Variants in PHF21A observed in about 807,000 individuals in gnomAD.
The protein encoded by PHF21A is BHC80a.
PHF21A carries 11 observed loss-of-function variants against 82.5 expected under a neutral mutation model. That is an observed-to-expected ratio of 0.13 (90% confidence interval 0.08 to 0.22). The LOEUF (loss-of-function observed/expected upper bound fraction) is 0.22, where lower values mean the gene tolerates loss of function less well. Among genes scored for constraint, PHF21A ranks in the 10% least tolerant of loss-of-function variants. The pLI is 1.00. For missense variants in PHF21A, 579 were observed against 837.8 expected (o/e 0.69, Z 3.81); for synonymous variants, 297 against 302.8 (o/e 0.98, Z 0.20).
At chr11:45,941,447 A>G (rs145246824) in intron 15 of PHF21A, among the ~76,000 whole-genome samples, 1 of 152,344 alleles carries the variant, frequency 6.6e-6, no homozygotes, top group Admixed American at 6.5e-5. Context: ...CACATCATGC[A>G]ATATCTGGTA....
intron 1 of PHF21A, among the ~76,000 whole-genome samples, chr11:46,109,517 T>A (rs2097187526): frequency 6.6e-6 from 1 of 151,444 alleles, no homozygotes; most frequent in South Asian, 2.1e-4. Context: ...AAAAATAAAA[T>A]TTATATAGTT....
intron 4 of PHF21A, among the ~76,000 whole-genome samples, chr11:46,080,869 A>AC (rs1430896070): frequency 6.6e-6 from 1 of 151,346 alleles, no homozygotes; most frequent in African/African-American, 2.4e-5. Flanking sequence ...TCACTATGTT[A>AC]TCCAGGCTGA....
intron 6 of PHF21A, among the ~76,000 whole-genome samples, chr11:45,997,615 T>C (rs2094953352): frequency 6.6e-6 from 1 of 152,220 alleles, no homozygotes; most frequent in African/African-American, 2.4e-5. Flanking sequence ...TTTCACTAAA[T>C]GCTTGTTTTG....
rs1361256643 is a variant in PHF21A at position 46,003,869 on chromosome 11, C to T, written c.154-23903G>A. 2.0e-5 allele frequency among the ~76,000 whole-genome samples: 3 copies of T among 152,126 alleles called. No homozygotes were observed. The East Asian group carries it at 5.8e-4, about 29-fold the overall frequency. ...GAGTGTTGCAACCTAATATTCTTCACCCAGGCAACCACAGCCTATTTTGGA... is the reference window on the plus strand; with the variant it reads ...GAGTGTTGCAACCTAATATTCTTCATCCAGGCAACCACAGCCTATTTTGGA... On this transcript the variant is annotated intron_variant, in intron 6 of 18. Transcript: ENST00000676320.
At chr11:46,118,425 A>G (rs2136194505) in intron 1 of PHF21A, among the ~76,000 whole-genome samples, 1 of 152,028 alleles carries the variant, frequency 6.6e-6, no homozygotes, top group African/African-American at 2.4e-5. Flanking sequence ...GTTAAAAAAA[A>G]AAAAAAAAAA....
chr11:46,055,568 C>T (rs961510980), intron 6 of PHF21A, among the ~76,000 whole-genome samples: 1 of 152,076 alleles, frequency 6.6e-6, no homozygotes, highest in Admixed American at 6.6e-5. Context: ...TTGACCTTTC[C>T]AATTCCCTAG....
intron 6 of PHF21A, among the ~76,000 whole-genome samples, chr11:46,065,462 A>C (rs1368315912): frequency 6.6e-6 from 1 of 152,216 alleles, no homozygotes; most frequent in Non-Finnish European, 1.5e-5. Context: ...AAAGATGACC[A>C]GAATGAATAT....
intron 7 of PHF21A, among the ~76,000 whole-genome samples, chr11:45,975,527 C>A (rs749086519): frequency 3.3e-5 from 5 of 152,094 alleles, no homozygotes; most frequent in Non-Finnish European, 5.9e-5. Context: ...ACTCAAACAA[C>A]CACAAATAGA....
chr11:46,022,876 G>A (rs2137922315), intron 6 of PHF21A, among the ~76,000 whole-genome samples: 1 of 152,212 alleles, frequency 6.6e-6, no homozygotes, highest in Admixed American at 6.5e-5. Flanking sequence ...TCCACCTCCT[G>A]AGTAGCTGGG....
chr11:46,119,348 C>T (rs1852322330), intron 1 of PHF21A, among the ~76,000 whole-genome samples: 1 of 152,186 alleles, frequency 6.6e-6, no homozygotes, highest in South Asian at 2.1e-4. Flanking sequence ...CACACATGCC[C>T]GGACCTTCAC....
intron 9 of PHF21A, among the ~76,000 whole-genome samples, chr11:45,967,664 G>A (rs952368911): frequency 6.6e-6 from 1 of 152,172 alleles, no homozygotes; most frequent in South Asian, 2.1e-4. Flanking sequence ...ACAAATGTCT[G>A]ATGCTATCTT....
chr11:46,084,281 C>A lies in PHF21A; in HGVS notation c.-62G>T. ...TTTCTTCAGCCTCTGTTTAAAGTAA[C>A]AAACTCCTCTTCTCACTGCAGCTGT... is the stretch of plus-strand genomic sequence containing the variant. On this transcript the variant is annotated 5_prime_UTR_variant, in exon 4 of 19. Coordinates refer to ENST00000676320, the MANE Select transcript of PHF21A (RefSeq NM_001352027.3). The A allele has an allele frequency of 8.0e-7, 1 of 1,250,348 alleles. No homozygotes were observed. The highest frequency in any genetic ancestry group is 1.1e-6 in the Non-Finnish European group (1 of 878,098). The allele number at this position is 1,250,348 out of a possible 1,614,324, so 77.5% of individuals were successfully genotyped here.
chr11:46,007,032 C>A (rs2095311199), intron 6 of PHF21A, among the ~76,000 whole-genome samples: 3 of 152,228 alleles, frequency 2.0e-5, no homozygotes, highest in Non-Finnish European at 2.9e-5. Flanking sequence ...AGCGTTCCTG[C>A]AAGCTCGTTT....
intron 16 of PHF21A, among the ~76,000 whole-genome samples, chr11:45,937,351 C>T (rs993589714): frequency 7.9e-5 from 12 of 152,132 alleles, no homozygotes; most frequent in Non-Finnish European, 1.0e-4. Flanking sequence ...AAAGAGAGAA[C>T]GAGGGAGGCT....
Position 46,032,842 on chromosome 11 carries a change from A to T in PHF21A, c.153+43912T>A, listed in dbSNP as rs117160929. Among the ~76,000 whole-genome samples, 783 of 152,292 alleles carry T rather than the reference A, an allele frequency of 5.1e-3. 48 individuals are homozygous for T. The East Asian group carries it at 0.13, about 26-fold the overall frequency. ...TATTTATTGGCCATTAATGATTTTA[A>T]TATGTTTAATGATTCATACAAGAGT... On this transcript the variant is annotated intron_variant, in intron 6 of 18. Coordinates refer to ENST00000676320, the MANE Select transcript of PHF21A (RefSeq NM_001352027.3).
chr11:46,029,916 T>C (rs2095831567), intron 6 of PHF21A, among the ~76,000 whole-genome samples: 1 of 152,226 alleles, frequency 6.6e-6, no homozygotes, highest in African/African-American at 2.4e-5. Flanking sequence ...TAAAATACTT[T>C]AATACTTACA....
At chr11:46,040,890 GACACACAC>G (rs35673374) in intron 6 of PHF21A, among the ~76,000 whole-genome samples, 2,655 of 137,282 alleles carry the variant, frequency 0.019, 58 homozygotes, top group African/African-American at 0.056. Context: ...CTGACAGGAA[GACACACAC>G]ACACACACAC....
At chr11:45,965,169 G>A in intron 10 of PHF21A, 146 bp downstream of exon 10, 1 of 694,122 alleles carries the variant, frequency 1.4e-6, no homozygotes, top group Admixed American at 3.0e-5. Context: ...TCTGCACGTG[G>A]ATGAATTATC....
At chr11:45,935,216 G>A (rs1358551649) in intron 18 of PHF21A, 1 of 1,292,612 alleles carries the variant, frequency 7.7e-7, no homozygotes, top group African/African-American at 1.5e-5. Context: ...GCGAGGGAGG[G>A]CCGTACGGAT....
Sources: allele counts gnomAD v4.1 joint callset (sites outside exome capture counted in the v4.1 genomes callset), GRCh38; gene constraint gnomAD v4.1.1; transcripts MANE v1.5; gene names NCBI Gene and HGNC (gene_info 2026-07-23, HGNC 2026-07-21).